Variants in SCG5 observed in about 807,000 individuals in gnomAD.
SCG5 encodes the protein secretogranin V, also known as neuroendocrine protein 7B2.
SCG5 carries 18 observed loss-of-function variants against 25.7 expected under a neutral mutation model. That is an observed-to-expected ratio of 0.70 (90% CI 0.48 to 1.04). The LOEUF is 1.04. SCG5 is among the 50% of genes least tolerant of loss of function. The pLI, the probability that SCG5 is intolerant of heterozygous loss-of-function variation, is 0.00. For missense variants in SCG5, 206 were observed against 259.8 expected, an observed-to-expected ratio of 0.79 and a Z score of 1.42; for synonymous variants, 101 against 91.7, an observed-to-expected ratio of 1.10 and a Z score of -0.58.
intron 2 of SCG5, among the ~76,000 whole-genome samples, chr15:32,659,788 G>A (rs116332621): frequency 0.017 from 2,592 of 152,212 alleles, 67 homozygotes; most frequent in African/African-American, 0.06. Flanking sequence ...TGGGCCTGCT[G>A]GGAAGAATCC....
rs951708315 is a variant in SCG5 at position 32,696,886 on chromosome 15, T to C, written c.*277T>C. Reference sequence around the variant, plus strand: ...GAATGTCAACAATAAAAAGCAAGACTATGAAAGGCTCAGATTTCTTGCAGT... The same window carrying C: ...GAATGTCAACAATAAAAAGCAAGACCATGAAAGGCTCAGATTTCTTGCAGT... On this transcript the variant is annotated 3_prime_UTR_variant, in exon 6 of 6. Transcript: ENST00000300175. 2.0e-5 allele frequency: 6 copies of C among 305,028 alleles called. No homozygotes were observed. Among genetic ancestry groups the C allele is most frequent in the Non-Finnish European group, 3.7e-5 (6 of 162,736 alleles). The allele number at this position is 305,028 out of a possible 1,614,324, so 18.9% of individuals were successfully genotyped here.
rs143506039 is a variant in SCG5 at position 32,649,840 on chromosome 15, G to A, written c.226+6022G>A. Among the ~76,000 whole-genome samples the A allele has an allele frequency of 2.7e-3, 404 of 152,310 alleles. 1 individual carries two copies. The highest frequency in any genetic ancestry group is 9.2e-3 in the African/African-American group (381 of 41,556). On this transcript the variant is annotated intron_variant, in intron 2 of 5. Transcript: ENST00000300175. ...AGAGAACTCGGGTTAACCCGTAGCCGTACTATTTTCTAGCTATGTGTAATC... is the reference window on the plus strand; with the variant it reads ...AGAGAACTCGGGTTAACCCGTAGCCATACTATTTTCTAGCTATGTGTAATC...
At chr15:32,686,664 G>A (rs918331536) in intron 4 of SCG5, among the ~76,000 whole-genome samples, 2 of 151,972 alleles carry the variant, frequency 1.3e-5, no homozygotes, top group Admixed American at 6.6e-5. Context: ...AGAGGTGATC[G>A]AAGCATTGCC....
At chr15:32,676,715 A>T (rs1261581661) in intron 2 of SCG5, among the ~76,000 whole-genome samples, 2 of 152,238 alleles carry the variant, frequency 1.3e-5, no homozygotes, top group Non-Finnish European at 2.9e-5. Context: ...ATAATCAAAG[A>T]TTTACCAATT....
At chr15:32,690,929 C>CA (rs1297012599) in intron 4 of SCG5, among the ~76,000 whole-genome samples, 1 of 151,460 alleles carries the variant, frequency 6.6e-6, no homozygotes, top group Non-Finnish European at 1.5e-5. Flanking sequence ...AAAGCCCCCC[C>CA]CCACCGCCAC....
intron 1 of SCG5, among the ~76,000 whole-genome samples, chr15:32,643,068 T>C (rs1048385767): frequency 6.6e-6 from 1 of 152,176 alleles, no homozygotes; most frequent in African/African-American, 2.4e-5. Flanking sequence ...GCAAACGTAT[T>C]GGATGTTTGC....
At chr15:32,686,059 T>C (rs2054703427) in intron 4 of SCG5, among the ~76,000 whole-genome samples, 1 of 152,240 alleles carries the variant, frequency 6.6e-6, no homozygotes, top group African/African-American at 2.4e-5. Context: ...GTCTTCAACA[T>C]ACACACATTT....
intron 2 of SCG5, among the ~76,000 whole-genome samples, chr15:32,653,374 G>C (rs1390515838): frequency 6.6e-6 from 1 of 152,218 alleles, no homozygotes; most frequent in Non-Finnish European, 1.5e-5. Flanking sequence ...ACTACTAATT[G>C]CTCTGCCAGT....
intron 3 of SCG5, among the ~76,000 whole-genome samples, chr15:32,682,884 G>A (rs1364247138): frequency 3.3e-5 from 5 of 152,144 alleles, no homozygotes; most frequent in Non-Finnish European, 7.3e-5. Context: ...CTCAGCCTCA[G>A]AGATAGGATG....
chr15:32,671,632 A>T (rs2054425712), intron 2 of SCG5, among the ~76,000 whole-genome samples: 1 of 152,048 alleles, frequency 6.6e-6, no homozygotes, highest in African/African-American at 2.4e-5. Flanking sequence ...CTGACGAATG[A>T]GTCCTCTGAT....
chr15:32,669,504 T>C (rs1567079790), intron 2 of SCG5, among the ~76,000 whole-genome samples: 2 of 152,174 alleles, frequency 1.3e-5, no homozygotes, highest in African/African-American at 2.4e-5. Flanking sequence ...GCCATATAAT[T>C]TCAGCAAGAA....
At chr15:32,692,907 C>T (rs577752945) in intron 5 of SCG5, among the ~76,000 whole-genome samples, 24 of 152,076 alleles carry the variant, frequency 1.6e-4, no homozygotes, top group South Asian at 6.2e-4. Flanking sequence ...ATTTTCTACG[C>T]GAGAAGTAGA....
In SCG5 at chr15:32,696,671, G is replaced by T. The variant is rs1050257413; in HGVS notation, c.*62G>T. The T allele has an allele frequency of 3.1e-6, 3 of 982,876 alleles. No individual in the cohort carries two copies. Among genetic ancestry groups the T allele is most frequent in the Admixed American group, 1.9e-5 (1 of 51,776 alleles). The allele number at this position is 982,876 out of a possible 1,614,324, so 60.9% of individuals were successfully genotyped here. ...AGGCCTCAGCATGGCTTATGTGCAC[G>T]TGTAAATGGAGTCCCTGTGAATGAC... On this transcript the variant is annotated 3_prime_UTR_variant, in exon 6 of 6. Coordinates refer to ENST00000300175, the MANE Select transcript of SCG5 (RefSeq NM_001144757.3).
At chr15:32,674,413 A>T (rs1295298041) in intron 2 of SCG5, among the ~76,000 whole-genome samples, 4 of 152,210 alleles carry the variant, frequency 2.6e-5, no homozygotes, top group African/African-American at 9.7e-5. Flanking sequence ...AATGAAAAAA[A>T]CCCTACCAGT....
chr15:32,663,865 G>A (rs777710645), intron 2 of SCG5, among the ~76,000 whole-genome samples: 7 of 151,360 alleles, frequency 4.6e-5, no homozygotes, highest in Middle Eastern at 6.8e-3. Flanking sequence ...CTTGTCATTC[G>A]CCACATCTAC....
At chr15:32,663,407 T>G (rs2054270695) in intron 2 of SCG5, among the ~76,000 whole-genome samples, 1 of 152,046 alleles carries the variant, frequency 6.6e-6, no homozygotes. Context: ...TTCATATAAA[T>G]GGAATCAGAA....
intron 2 of SCG5, 29 bp from the exon 3 acceptor site, chr15:32,679,737 G>A (rs1364335103): frequency 2.5e-6 from 4 of 1,612,554 alleles, no homozygotes; most frequent in Admixed American, 1.7e-5. Context: ...GAATTGCACT[G>A]CAATGAACTA....
chr15:32,679,393 G>C (rs1392406595), intron 2 of SCG5, among the ~76,000 whole-genome samples: 1 of 151,878 alleles, frequency 6.6e-6, no homozygotes, highest in African/African-American at 2.4e-5. Context: ...GTAGAGCCGG[G>C]GTTTCATTAT....
intron 2 of SCG5, chr15:32,666,221 A>G (rs1023226584): frequency 2.0e-5 from 3 of 152,230 alleles, no homozygotes; most frequent in Non-Finnish European, 4.4e-5. Flanking sequence ...ACGTAGGGAT[A>G]TGTTACATAA....
Sources: allele counts gnomAD v4.1 joint callset (sites outside exome capture counted in the v4.1 genomes callset), GRCh38; gene constraint gnomAD v4.1.1; transcripts MANE v1.5; gene names NCBI Gene and HGNC (gene_info 2026-07-23, HGNC 2026-07-21).